Variants in CC2D1A observed in about 807,000 individuals in gnomAD.
The protein encoded by CC2D1A is coiled-coil and C2 domain-containing protein 1A.
Under a neutral mutation model 123.8 loss-of-function variants are expected in CC2D1A, and 68 were observed. That is an observed-to-expected ratio of 0.55 (90% CI 0.45 to 0.67). The LOEUF is 0.67. Among genes scored for constraint, CC2D1A ranks in the 30% least tolerant of loss-of-function variants. CC2D1A has a pLI of 0.00. For synonymous variants in CC2D1A, 477 were observed against 528.0 expected, an observed-to-expected ratio of 0.90 and a Z score of 1.32; for missense variants, 1,185 against 1,290.3, an observed-to-expected ratio of 0.92 and a Z score of 1.25.
At chr19:13,920,001 C>G in intron 12 of CC2D1A, 50 bp downstream of exon 12, 1 of 1,538,392 alleles carries the variant, frequency 6.5e-7, no homozygotes, top group Non-Finnish European at 8.8e-7. Context: ...AGTCCCAGCA[C>G]TTTGGGAATC....
chr19:13,910,737 C>G (rs1314439058), intron 2 of CC2D1A, among the ~76,000 whole-genome samples: 2 of 152,042 alleles, frequency 1.3e-5, no homozygotes, highest in Non-Finnish European at 2.9e-5. Flanking sequence ...ATGGTGAAAC[C>G]CTGTCTTTAC....
chr19:13,913,720 T>C, intron 6 of CC2D1A, 82 bp downstream of exon 6: 1 of 1,065,318 alleles, frequency 9.4e-7, no homozygotes, highest in Non-Finnish European at 1.3e-6. Flanking sequence ...GTGCCGGCTG[T>C]GCACTGATTG....
At chr19:13,912,116 G>A (rs1370028051) in intron 2 of CC2D1A, among the ~76,000 whole-genome samples, 1 of 152,190 alleles carries the variant, frequency 6.6e-6, no homozygotes, top group Non-Finnish European at 1.5e-5. Context: ...CTCCCAAAGT[G>A]CTGGGATTAT....
intron 1 of CC2D1A, among the ~76,000 whole-genome samples, chr19:13,908,948 A>G (rs1401398065): frequency 6.7e-6 from 1 of 149,286 alleles, no homozygotes; most frequent in Non-Finnish European, 1.5e-5. Flanking sequence ...TTTCCTTTCA[A>G]CAGGGCTTTA....
At position 13,923,247 on chromosome 19, in the gene CC2D1A, T is replaced by C; in HGVS notation, c.1642-86T>C. 6.9e-7 allele frequency: 1 copy of C among 1,453,468 alleles called. No individual in the cohort carries two copies. The highest frequency in any genetic ancestry group is 2.6e-4 in the Middle Eastern group (1 of 3,886). 90.0% of individuals were successfully genotyped at this position (1,453,468 alleles called of 1,614,324 possible). A position where few individuals can be genotyped will look rare whatever the true frequency, so the allele number is the denominator to read the frequency against. ...CAGAGCCGTGGTCAGGGAATGCCCC[T>C]CGTCAAGGAAGAATGACATTTCTGC... is the stretch of plus-strand genomic sequence containing the variant. On this transcript the variant is annotated intron_variant, in intron 14 of 28. Transcript: ENST00000318003. This position sits in a 1 kb window ranked among gnomAD's most constrained non-coding sequence, Gnocchi z 5.3.
chr19:13,918,341 T>A, intron 7 of CC2D1A, 147 bp downstream of exon 7: 1 of 1,162,850 alleles, frequency 8.6e-7, no homozygotes, highest in Non-Finnish European at 1.2e-6. Flanking sequence ...GTTTACCCCC[T>A]CTGTGAAATG....
Position 13,923,729 on chromosome 19 carries a change from A to G in CC2D1A, c.1858A>G (p.Met620Val), listed in dbSNP as rs1401694683. 10 of 1,614,076 alleles carry G rather than the reference A, an allele frequency of 6.2e-6. No homozygotes were observed. The highest frequency in any genetic ancestry group is 1.7e-5 in the Admixed American group (1 of 60,008). ...EKLAEDCKRS[M>V]DILKQAFVRG... The stretch of plus-strand genomic sequence containing the variant: ...GTTGGCGGAGGACTGTAAGCGGAGC[A>G]TGGACATTCTGAAGCAAGCCTTCGT... The change falls in exon 17 of 29, where the codon ATG becomes GTG. Residue 620 changes from methionine (M) to valine (V), a missense_variant. Transcript: ENST00000318003. The surrounding 1 kb of genome is among the most constrained non-coding windows in gnomAD (Gnocchi z 5.3).
rs1241061402 is a variant in CC2D1A, at chr19:13,930,343, C to T, written c.2836-32C>T. The T allele has an allele frequency of 6.2e-7, 1 of 1,613,730 alleles. No individual in the cohort carries two copies. The highest frequency in any genetic ancestry group is 1.3e-5 in the African/African-American group (1 of 75,010). ...GGGGATCACTGTGGTCGTAGCCCAC[C>T]TCCATGACCCCAGTGGCCTCCTCTC... is the stretch of plus-strand genomic sequence containing the variant. On this transcript the variant is annotated intron_variant, in intron 28 of 28. Transcript: ENST00000318003. The surrounding 1 kb of genome is among the most constrained non-coding windows in gnomAD (Gnocchi z 6.8).
intron 14 of CC2D1A, among the ~76,000 whole-genome samples, chr19:13,921,883 A>T (rs2145343470): frequency 6.6e-6 from 1 of 152,348 alleles, no homozygotes; most frequent in African/African-American, 2.4e-5. Flanking sequence ...CATGGAGTGG[A>T]TGTTCTAATT....
rs1394531439 is a variant in CC2D1A at position 13,913,557 on chromosome 19, G to A, written c.667G>A (p.Glu223Lys). The A allele has an allele frequency of 7.4e-6, 12 of 1,613,988 alleles. 1 individual carries two copies. In the Middle Eastern group the frequency reaches 4.9e-4, roughly 66 times the overall value. ...QPAPRIASAP[E>K]PRVTLEGPSA... ...GGCCCCTAGAATCGCGTCAGCCCCA[G>A]AGCCCAGGGTCACCCTGGAGGGACC... The change falls in exon 6 of 29, where the codon GAG (glutamate) becomes AAG (lysine). Residue 223 changes from glutamate (E) to lysine (K), a missense_variant. By Grantham distance (56) the Glu-to-Lys change is moderately conservative. Transcript: ENST00000318003.
intron 6 of CC2D1A, among the ~76,000 whole-genome samples, chr19:13,914,991 T>C (rs944749397): frequency 3.3e-5 from 5 of 152,264 alleles, no homozygotes; most frequent in African/African-American, 1.2e-4. Context: ...CAACTCAAAA[T>C]ACTGGCATGG....
chr19:13,926,794 G>C (rs1244597217), intron 19 of CC2D1A, 27 bp from the exon 20 acceptor site: 21 of 1,613,942 alleles, frequency 1.3e-5, no homozygotes, highest in Non-Finnish European at 1.5e-5. Context: ...AGGCCCCCTA[G>C]ATTTCCTGCC....
Position 13,923,414 on chromosome 19 carries a change from C to A in CC2D1A, c.1723C>A (p.Arg575Ser). The A allele has an allele frequency of 6.2e-7, 1 of 1,613,668 alleles. No individual in the cohort carries two copies. Among genetic ancestry groups the A allele is most frequent in the Non-Finnish European group, 8.5e-7 (1 of 1,180,012 alleles). Residue 575 changes from arginine to serine, a missense_variant, in exon 15 of 29, where the codon CGC becomes AGC. By Grantham distance (110) the Arg-to-Ser change is moderately radical. Coordinates refer to ENST00000318003, the MANE Select transcript of CC2D1A (RefSeq NM_017721.5). The surrounding 1 kb of genome is among the most constrained non-coding windows in gnomAD (Gnocchi z 5.3). ...GPGLSQEAAR[R>S]YGELTKLIRQ... is the part of the protein sequence containing the mutation. ...GGGTCTGTCTCAGGAGGCCGCCCGG[C>A]GCTATGGTGAACTCACCAAGCTCAT...
intron 6 of CC2D1A, among the ~76,000 whole-genome samples, chr19:13,914,022 C>T (rs1971114707): frequency 6.6e-6 from 1 of 152,032 alleles, no homozygotes; most frequent in Non-Finnish European, 1.5e-5. Context: ...GCTGGGATTA[C>T]AGGCATATGC....
rs773746064 is a variant in CC2D1A, at chr19:13,929,562, C to T, written c.2612C>T (p.Pro871Leu). ...KILALRQARR[P>L]VPPEVAQQYQ... Reference sequence around the variant, plus strand: ...CTGGCCCTCAGGCAGGCGCGGCGGCCGGTGCCCCCAGAAGTGGCCCAGCAG... The same window carrying T: ...CTGGCCCTCAGGCAGGCGCGGCGGCTGGTGCCCCCAGAAGTGGCCCAGCAG... Residue 871 changes from proline (P) to leucine (L), a missense_variant, in exon 26 of 29, where the codon CCG becomes CTG. Physicochemically the swap from Pro to Leu is moderately conservative, Grantham distance 98. Coordinates refer to ENST00000318003, the MANE Select transcript of CC2D1A (RefSeq NM_017721.5). The T allele has an allele frequency of 2.4e-5, 39 of 1,610,274 alleles. No homozygotes were observed. The highest frequency in any genetic ancestry group is 2.2e-4 in the East Asian group (10 of 44,752).
chr19:13,914,428 G>C (rs1276488255), intron 6 of CC2D1A, among the ~76,000 whole-genome samples: 2 of 150,642 alleles, frequency 1.3e-5, no homozygotes, highest in Admixed American at 6.6e-5. Flanking sequence ...TTTGCCTCCT[G>C]GGTTCAAGCA....
In CC2D1A at chr19:13,909,695, T is replaced by G. The variant is rs755317674; in HGVS notation, c.61-128T>G. ...TGGGCTTGTTCCAGCCTCCTGGCAC[T>G]CCCCAGGGAAATGGCTTTCCCTGGG... On this transcript the variant is annotated intron_variant, in intron 1 of 28. Coordinates refer to ENST00000318003, the MANE Select transcript of CC2D1A (RefSeq NM_017721.5). The G allele has an allele frequency of 2.7e-5, 33 of 1,242,730 alleles. No individual in the cohort carries two copies. The Admixed American group carries it at 5.6e-4, about 21-fold the overall frequency. 77.0% of individuals were successfully genotyped at this position (1,242,730 alleles called of 1,614,324 possible). A position where few individuals can be genotyped will look rare whatever the true frequency, so the allele number is the denominator to read the frequency against.
rs756904153 is a variant in CC2D1A at position 13,930,168 on chromosome 19, G to A, written c.2787+14G>A. On this transcript the variant is annotated intron_variant, in intron 27 of 28. Coordinates refer to ENST00000318003, the MANE Select transcript of CC2D1A (RefSeq NM_017721.5). The surrounding 1 kb of genome is among the most constrained non-coding windows in gnomAD (Gnocchi z 6.8). The stretch of plus-strand genomic sequence containing the variant: ...GATGGCAGCAGGGTGAGCTGGTCGC[G>A]GGCCGGGTGGGCACTGGGCAGCGGG... 31 of 1,613,198 alleles carry A rather than the reference G, an allele frequency of 1.9e-5. No homozygotes were observed. Among genetic ancestry groups the A allele is most frequent in the Middle Eastern group, 3.3e-4 (2 of 6,068 alleles).
At chr19:13,927,544 T>C (rs1441923831) in intron 22 of CC2D1A, 2 of 478,820 alleles carry the variant, frequency 4.2e-6, no homozygotes, top group East Asian at 3.8e-5. Flanking sequence ...TTTGGGAGGC[T>C]GAGGCGGGCA....
Sources: gnomAD v4.1 joint callset for allele counts (sites outside exome capture counted in the v4.1 genomes callset) on GRCh38, gnomAD v4.1.1 for gene constraint, Gnocchi (gnomAD v3.1) non-coding constraint, MANE v1.5 for transcripts, NCBI Gene and HGNC (gene_info 2026-07-23, HGNC 2026-07-21) for gene names.